GNAQ: variants seen among roughly 807,000 people sequenced by gnomAD.
GNAQ encodes guanine nucleotide-binding protein G(q) subunit alpha.
Under a neutral mutation model 43.9 loss-of-function variants are expected in GNAQ, and 8 were observed. That is an observed-to-expected ratio of 0.18 (90% CI 0.11 to 0.33). GNAQ has a LOEUF of 0.33. Among genes scored for constraint, GNAQ ranks in the 10% least tolerant of loss-of-function variants. The pLI is 1.00. For missense variants in GNAQ, 158 were observed against 450.8 expected (o/e 0.35, Z 5.88); for synonymous variants, 155 against 170.7 (o/e 0.91, Z 0.71).
intron 2 of GNAQ, among the ~76,000 whole-genome samples, chr9:77,857,871 G>A (rs1218368291): frequency 1.2e-5 from 1 of 82,450 alleles, no homozygotes; most frequent in Non-Finnish European, 3.1e-5. Context: ...AGGCAATAAA[G>A]GTTTTTTTTT....
At chr9:77,859,923 T>C (rs1445606781) in intron 2 of GNAQ, among the ~76,000 whole-genome samples, 2 of 152,218 alleles carry the variant, frequency 1.3e-5, no homozygotes, top group Non-Finnish European at 2.9e-5. Context: ...TTACAACTTT[T>C]TGTGCTGGAT....
chr9:77,767,377 G>C lies in GNAQ; in HGVS notation c.735+27086C>G, dbSNP rs187141930. Among the ~76,000 whole-genome samples, 226 of 152,160 alleles carry C rather than the reference G, an allele frequency of 1.5e-3. 3 individuals carry two copies. The highest frequency in any genetic ancestry group is 5.2e-3 in the African/African-American group (217 of 41,524). Reference sequence around the variant, plus strand: ...CACACATTGAGGGGCAGGATGGGGGGACAAATTAGCCTCCCCCTAACTCTG... The same window carrying C: ...CACACATTGAGGGGCAGGATGGGGGCACAAATTAGCCTCCCCCTAACTCTG... On this transcript the variant is annotated intron_variant, in intron 5 of 6. Transcript: ENST00000286548.
At chr9:77,879,349 C>T (rs1039508359) in intron 2 of GNAQ, among the ~76,000 whole-genome samples, 22 of 151,972 alleles carry the variant, frequency 1.4e-4, no homozygotes, top group African/African-American at 4.6e-4. Context: ...CTGCAACCTC[C>T]GCCTCCCGGG....
At chr9:77,892,872 C>G (rs1341443946) in intron 2 of GNAQ, among the ~76,000 whole-genome samples, 1 of 152,100 alleles carries the variant, frequency 6.6e-6, no homozygotes, top group Non-Finnish European at 1.5e-5. Flanking sequence ...AGAAGCTCCT[C>G]AAAGTTTTTC....
At chr9:77,921,231 T>C (rs189825132) in intron 2 of GNAQ, among the ~76,000 whole-genome samples, 1 of 152,234 alleles carries the variant, frequency 6.6e-6, no homozygotes, top group African/African-American at 2.4e-5. Flanking sequence ...ACGAAGTCTT[T>C]TGAAGACAAC....
chr9:78,018,965 C>T (rs958338949), intron 1 of GNAQ, among the ~76,000 whole-genome samples: 20 of 152,122 alleles, frequency 1.3e-4, no homozygotes, highest in African/African-American at 4.8e-4. Flanking sequence ...TCCTCCCACC[C>T]GCTGCAGAAG....
intron 1 of GNAQ, among the ~76,000 whole-genome samples, chr9:77,973,412 A>T (rs1823261896): frequency 6.6e-6 from 1 of 152,212 alleles, no homozygotes; most frequent in Non-Finnish European, 1.5e-5. Context: ...CTCCCAAAAA[A>T]GCAGGTCTAA....
At chr9:77,988,098 AG>A (rs1823464379) in intron 1 of GNAQ, among the ~76,000 whole-genome samples, 1 of 152,264 alleles carries the variant, frequency 6.6e-6, no homozygotes. Context: ...AGTAGGTTCA[AG>A]GAACAGCAAT....
chr9:78,000,692 A>G (rs528548005), intron 1 of GNAQ, among the ~76,000 whole-genome samples: 1 of 152,294 alleles, frequency 6.6e-6, no homozygotes, highest in Non-Finnish European at 1.5e-5. Flanking sequence ...ATTAACGTTA[A>G]CTCAAGATTA....
intron 2 of GNAQ, among the ~76,000 whole-genome samples, chr9:77,887,977 G>C (rs1415453300): frequency 1.3e-5 from 2 of 152,140 alleles, no homozygotes; most frequent in African/African-American, 4.8e-5. Context: ...GATGCTCCTG[G>C]AGACTGCTGA....
At chr9:78,007,281 A>G (rs1381682541) in intron 1 of GNAQ, among the ~76,000 whole-genome samples, 1 of 151,650 alleles carries the variant, frequency 6.6e-6, no homozygotes, top group Non-Finnish European at 1.5e-5. Flanking sequence ...AGAGCAATCT[A>G]AAAGCTTTTT....
At chr9:77,784,341 A>G (rs1399815047) in intron 5 of GNAQ, among the ~76,000 whole-genome samples, 4 of 152,324 alleles carry the variant, frequency 2.6e-5, no homozygotes, top group East Asian at 3.9e-4. Flanking sequence ...AAAGTTTAAT[A>G]TATTTCAATT....
At chr9:77,823,738 A>T (rs1256106545) in intron 2 of GNAQ, among the ~76,000 whole-genome samples, 3 of 152,148 alleles carry the variant, frequency 2.0e-5, no homozygotes, top group African/African-American at 7.2e-5. Flanking sequence ...GAACTCACTC[A>T]CTATCATGAG....
intron 1 of GNAQ, among the ~76,000 whole-genome samples, chr9:77,985,874 C>G (rs1039730810): frequency 3.3e-5 from 5 of 152,214 alleles, no homozygotes; most frequent in Admixed American, 1.3e-4. Flanking sequence ...AGGCATGAGC[C>G]ACCGCACCTG....
chr9:77,850,562 A>G (rs1228895325), intron 2 of GNAQ, among the ~76,000 whole-genome samples: 1 of 152,170 alleles, frequency 6.6e-6, no homozygotes, highest in Non-Finnish European at 1.5e-5. Flanking sequence ...ACCTGCTTAA[A>G]GCCTTTCCAC....
intron 1 of GNAQ, among the ~76,000 whole-genome samples, chr9:77,985,857 G>C (rs1336035367): frequency 6.6e-6 from 1 of 152,094 alleles, no homozygotes; most frequent in African/African-American, 2.4e-5. Flanking sequence ...CAAAGTGCTG[G>C]GATTACAGGC....
At chr9:77,923,173 T>C (rs577380534) in intron 1 of GNAQ, among the ~76,000 whole-genome samples, 44 of 152,240 alleles carry the variant, frequency 2.9e-4, no homozygotes, top group African/African-American at 7.9e-4. Context: ...AGTATCCTGA[T>C]AGGACAAGAA....
At chr9:77,737,225 C>T (rs1473932011) in intron 5 of GNAQ, among the ~76,000 whole-genome samples, 3 of 152,184 alleles carry the variant, frequency 2.0e-5, no homozygotes, top group Non-Finnish European at 4.4e-5. Flanking sequence ...GAGAGATCAC[C>T]TTCTCGTTGC....
At chr9:77,733,609 C>G (rs1247224862) in intron 5 of GNAQ, among the ~76,000 whole-genome samples, 1 of 152,230 alleles carries the variant, frequency 6.6e-6, no homozygotes, top group African/African-American at 2.4e-5. Context: ...GCTCCTTCCT[C>G]CCATCCCCAG....
Sources: allele counts gnomAD v4.1 joint callset (sites outside exome capture counted in the v4.1 genomes callset), GRCh38; gene constraint gnomAD v4.1.1; transcripts MANE v1.5; gene names NCBI Gene and HGNC (gene_info 2026-07-23, HGNC 2026-07-21).